DHDDS: variants seen among roughly 807,000 people sequenced by gnomAD.
DHDDS encodes the protein dehydrodolichyl diphosphate synthase subunit.
A neutral mutation model predicts 46.2 loss-of-function variants in DHDDS; 16 were observed. The observed-to-expected ratio is 0.35, with a 90% CI of 0.23 to 0.53. DHDDS has a LOEUF of 0.53. Among genes scored for constraint, DHDDS ranks in the 20% least tolerant of loss-of-function variants. DHDDS has a pLI of 0.94. For missense variants in DHDDS, 340 were observed against 423.7 expected (o/e 0.80, Z 1.73); for synonymous variants, 151 against 163.1 (o/e 0.93, Z 0.56).
intron 3 of DHDDS, among the ~76,000 whole-genome samples, chr1:26,439,784 A>C (rs2075199764): frequency 6.6e-6 from 1 of 152,244 alleles, no homozygotes. Context: ...AATGCATGTT[A>C]TAAATTGGAA....
At chr1:26,453,321 T>C (rs1214150052) in intron 6 of DHDDS, among the ~76,000 whole-genome samples, 1 of 152,220 alleles carries the variant, frequency 6.6e-6, no homozygotes, top group African/African-American at 2.4e-5. Flanking sequence ...TTGTTGGGTA[T>C]ATAGGCAGTT....
Position 26,468,993 on chromosome 1 carries a change from C to T in DHDDS, c.864C>T (p.Ala288=), listed in dbSNP as rs766279503. 6.2e-7 allele frequency: 1 copy of T among 1,614,176 alleles called. No individual in the cohort carries two copies. Among genetic ancestry groups the T allele is most frequent in the Admixed American group, 1.7e-5 (1 of 60,032 alleles). ...AGCTGCTGCGAGAGGGGCTCCAAGC[C>T]AGTGGGGACGCCCAGCTCCGAAGGA... ...TEQLLREGLQ[A]SGDAQLRRTR... The change falls in exon 9 of 9, where the codon GCC becomes GCT. Residue 288 remains alanine, a synonymous_variant. Transcript: ENST00000236342.
In DHDDS at chr1:26,433,159, C is replaced by G. The variant is rs1049116470; in HGVS notation, c.63+151C>G. On this transcript the variant is annotated intron_variant, in intron 2 of 8. Transcript: ENST00000236342. ...CCAAAGAGTCTTAGAATGGTAACTTCCAGGTCTACATTTCTGGTAGACTTT... is the reference window on the plus strand; with the variant it reads ...CCAAAGAGTCTTAGAATGGTAACTTGCAGGTCTACATTTCTGGTAGACTTT... 4.9e-6 allele frequency: 4 copies of G among 813,274 alleles called. No homozygotes were observed. In the African/African-American group the frequency reaches 6.9e-5, roughly 14 times the overall value. 50.4% of individuals were successfully genotyped at this position (813,274 alleles called of 1,614,324 possible). A position where few individuals can be genotyped will look rare whatever the true frequency, so the allele number is the denominator to read the frequency against.
Position 26,469,635 on chromosome 1 carries a change from GCCC to G in DHDDS, c.*505_*507del. Reference sequence around the variant, plus strand: ...AAGGGGTGGGAGAGACAGAAAATTTGCCCATCTGCTGCTCCTCCCCCTTGGCTC... The same window carrying G: ...AAGGGGTGGGAGAGACAGAAAATTTGATCTGCTGCTCCTCCCCCTTGGCTC... On this transcript the variant is annotated 3_prime_UTR_variant, in exon 9 of 9. Coordinates refer to ENST00000236342, the MANE Select transcript of DHDDS (RefSeq NM_205861.3). 3 of 227,164 alleles carry G rather than the reference GCCC, an allele frequency of 1.3e-5. No individual in the cohort carries two copies. The highest frequency in any genetic ancestry group is 1.0e-4 in the Admixed American group (2 of 19,476). The allele number at this position is 227,164 out of a possible 1,614,324, so 14.1% of individuals were successfully genotyped here.
chr1:26,452,821 G>A (rs1470375519), intron 6 of DHDDS, among the ~76,000 whole-genome samples: 1 of 152,102 alleles, frequency 6.6e-6, no homozygotes, highest in Non-Finnish European at 1.5e-5. Flanking sequence ...AAAATTAGAT[G>A]GACATGGTGA....
intron 8 of DHDDS, 83 bp from the exon 9 acceptor site, chr1:26,468,812 C>CCCCCCCCCCAACCCCA: frequency 1.7e-6 from 1 of 601,120 alleles, no homozygotes; most frequent in Non-Finnish European, 2.8e-6. Flanking sequence ...CCACCCTGTG[C>CCCCCCCCCCAACCCCA]CCCACCCCCT....
intron 2 of DHDDS, among the ~76,000 whole-genome samples, chr1:26,435,817 A>C (rs2075149071): frequency 6.6e-6 from 1 of 151,368 alleles, no homozygotes; most frequent in African/African-American, 2.4e-5. Flanking sequence ...GTTTCACCAT[A>C]CTGGCCAGCC....
chr1:26,450,594 T>C (rs1365923964), intron 6 of DHDDS, among the ~76,000 whole-genome samples: 1 of 152,174 alleles, frequency 6.6e-6, no homozygotes, highest in East Asian at 1.9e-4. Flanking sequence ...CAGCATTACA[T>C]AAGCCAAGAA....
intron 6 of DHDDS, among the ~76,000 whole-genome samples, chr1:26,452,789 C>T (rs1428934596): frequency 6.6e-6 from 1 of 151,960 alleles, no homozygotes; most frequent in Non-Finnish European, 1.5e-5. Context: ...CTGAAATGAA[C>T]AATAAGGCAG....
intron 7 of DHDDS, 83 bp from the exon 8 acceptor site, chr1:26,459,954 C>G: frequency 8.8e-7 from 1 of 1,140,806 alleles, no homozygotes; most frequent in Non-Finnish European, 1.3e-6. Flanking sequence ...TCCTGCTTAG[C>G]CTGCTTTTTC....
chr1:26,465,909 T>G (rs2124534873), intron 8 of DHDDS, among the ~76,000 whole-genome samples: 1 of 152,254 alleles, frequency 6.6e-6, no homozygotes, highest in Non-Finnish European at 1.5e-5. Context: ...GGTTGCAGCT[T>G]GGGGAAGGAC....
intron 6 of DHDDS, chr1:26,454,730 T>G: frequency 1.0e-5 from 16 of 1,589,174 alleles, no homozygotes; most frequent in Non-Finnish European, 1.4e-5. Flanking sequence ...AATCTGTTCC[T>G]TTTCAGTAAG....
At position 26,469,709 on chromosome 1, in the gene DHDDS, A is replaced by T; in HGVS notation, c.*578A>T. 5.6e-6 allele frequency: 1 copy of T among 179,562 alleles called. No individual in the cohort carries two copies. The highest frequency in any genetic ancestry group is 1.3e-4 in the East Asian group (1 of 7,428). 11.1% of individuals were successfully genotyped at this position (179,562 alleles called of 1,614,324 possible). On this transcript the variant is annotated 3_prime_UTR_variant, in exon 9 of 9. Coordinates refer to ENST00000236342, the MANE Select transcript of DHDDS (RefSeq NM_205861.3). ...GAATCTCTACCCTCTCCCACCACAC[A>T]GTACTGATTGCTCACTGAAAGACTC...
Position 26,460,111 on chromosome 1 carries a change from C to T in DHDDS, c.732C>T (p.Ile244=), listed in dbSNP as rs757277775. The T allele has an allele frequency of 6.2e-7, 1 of 1,614,162 alleles. No homozygotes were observed. Among genetic ancestry groups the T allele is most frequent in the Non-Finnish European group, 8.5e-7 (1 of 1,180,022 alleles). Residue 244 remains isoleucine (I), a synonymous_variant, in exon 8 of 9, where the codon ATC becomes ATT. Transcript: ENST00000236342. ...EYTFWNLFEA[I]LQFQMNHSVL... ...CATTTTGGAACCTCTTCGAGGCCAT[C>T]CTGCAGTTCCAGATGAACCATAGCG...
intron 6 of DHDDS, among the ~76,000 whole-genome samples, chr1:26,449,080 A>T (rs1032553641): frequency 2.0e-5 from 3 of 151,708 alleles, no homozygotes; most frequent in African/African-American, 7.3e-5. Context: ...TTTTATTTTT[A>T]TTTATTTATT....
Position 26,455,044 on chromosome 1 carries a change from C to G in DHDDS, c.543-2747C>G. On this transcript the variant is annotated intron_variant, in intron 6 of 8. Transcript: ENST00000236342. ...ACTGTTTCTGTAAAGTGACATCTTT[C>G]AGGTACTTCATGGCTTTTCGTATAT... is the stretch of plus-strand genomic sequence containing the variant. The G allele has an allele frequency of 2.6e-6, 3 of 1,139,670 alleles. No homozygotes were observed. The South Asian group carries it at 3.7e-5, about 14-fold the overall frequency. 70.6% of individuals were successfully genotyped at this position (1,139,670 alleles called of 1,614,324 possible).
At chr1:26,465,130 G>A (rs1360613949) in intron 8 of DHDDS, among the ~76,000 whole-genome samples, 1 of 152,208 alleles carries the variant, frequency 6.6e-6, no homozygotes, top group Non-Finnish European at 1.5e-5. Flanking sequence ...TCAATCACAA[G>A]TTGCATGGAT....
intron 7 of DHDDS, 151 bp downstream of exon 7, chr1:26,458,056 T>C (rs1570357371): frequency 1.4e-6 from 1 of 703,760 alleles, no homozygotes; most frequent in East Asian, 2.7e-5. Context: ...ATCTCTAGGC[T>C]GTGTCTCATA....
At chr1:26,466,826 A>G (rs1000090452) in intron 8 of DHDDS, among the ~76,000 whole-genome samples, 1 of 152,176 alleles carries the variant, frequency 6.6e-6, no homozygotes, top group African/African-American at 2.4e-5. Context: ...CTGAAAATTC[A>G]TTATCTCATT....
Sources: allele counts gnomAD v4.1 joint callset (sites outside exome capture counted in the v4.1 genomes callset), GRCh38; gene constraint gnomAD v4.1.1; transcripts MANE v1.5; gene names NCBI Gene and HGNC (gene_info 2026-07-23, HGNC 2026-07-21).